The following HS3ST3B1 variants were observed in gnomAD, a reference collection of about 807,000 sequenced individuals.
The protein encoded by HS3ST3B1 is heparan sulfate-glucosamine 3-sulfotransferase 3B1, also known as heparan sulfate glucosamine 3-O-sulfotransferase 3B1.
Under a neutral mutation model 21.3 loss-of-function variants are expected in HS3ST3B1, and 13 were observed. That is an observed-to-expected ratio of 0.61 (90% CI 0.40 to 0.97). HS3ST3B1 has a LOEUF of 0.97. HS3ST3B1 is among the 50% of genes least tolerant of loss of function. HS3ST3B1 has a pLI of 0.00. For missense variants in HS3ST3B1, 459 were observed against 554.8 expected (o/e 0.83, Z 1.73); for synonymous variants, 234 against 254.8 (o/e 0.92, Z 0.78).
intron 1 of HS3ST3B1, among the ~76,000 whole-genome samples, chr17:14,310,532 G>A (rs1357150650): frequency 6.6e-6 from 1 of 152,228 alleles, no homozygotes; most frequent in Non-Finnish European, 1.5e-5. Flanking sequence ...CACATAAGAC[G>A]TTGAACATCG....
chr17:14,333,103 G>T (rs1244666718), intron 1 of HS3ST3B1, among the ~76,000 whole-genome samples: 1 of 151,928 alleles, frequency 6.6e-6, no homozygotes, highest in East Asian at 1.9e-4. Flanking sequence ...GATTGTTCTC[G>T]TAGGAAAGAA....
At chr17:14,319,801 T>C (rs887025410) in intron 1 of HS3ST3B1, among the ~76,000 whole-genome samples, 3 of 151,678 alleles carry the variant, frequency 2.0e-5, no homozygotes, top group Non-Finnish European at 4.4e-5. Context: ...TTTCAATAGT[T>C]TTTGGGGAAA....
At chr17:14,343,460 CT>C (rs1597604640) in intron 1 of HS3ST3B1, among the ~76,000 whole-genome samples, 1 of 152,266 alleles carries the variant, frequency 6.6e-6, no homozygotes, top group East Asian at 1.9e-4. Context: ...TTAGAACCCC[CT>C]GATCAACATC....
chr17:14,337,961 G>T (rs1910239944), intron 1 of HS3ST3B1, among the ~76,000 whole-genome samples: 1 of 151,674 alleles, frequency 6.6e-6, no homozygotes, highest in Admixed American at 6.6e-5. Flanking sequence ...ATGGTTTCCA[G>T]TCCTGCTTGC....
In HS3ST3B1 at chr17:14,334,268, G is replaced by GTT. The variant is rs11384759; in HGVS notation, c.555-10748_555-10747dup. 6.4e-3 allele frequency among the ~76,000 whole-genome samples: 940 copies of GTT among 146,930 alleles called. 2 individuals carry two copies. The highest frequency in any genetic ancestry group is 0.014 in the African/African-American group (551 of 40,176). On this transcript the variant is annotated intron_variant, in intron 1 of 1. Coordinates refer to ENST00000360954, the MANE Select transcript of HS3ST3B1 (RefSeq NM_006041.3). ...TGCTAGATTCCAGTGTTTTTTCATG[G>GTT]TTTTTTTTTTTTTAAATTGACTTTA...
At position 14,345,173 on chromosome 17, in the gene HS3ST3B1, G is replaced by A. The variant is rs780113570; in HGVS notation, c.700G>A (p.Ala234Thr). The change falls in exon 2 of 2, where the codon GCC becomes ACC. Residue 234 changes from alanine to threonine, a missense_variant. By Grantham distance (58) the Ala-to-Thr change is moderately conservative (BLOSUM62 0). Transcript: ENST00000360954. ...GGTGGTGCGGGACCCGGTGACCAGGGCCATCTCGGACTACACGCAGACGCT... is the reference window on the plus strand; with the variant it reads ...GGTGGTGCGGGACCCGGTGACCAGGACCATCTCGGACTACACGCAGACGCT... ...IVVVRDPVTR[A>T]ISDYTQTLSK... The A allele has an allele frequency of 2.5e-6, 4 of 1,577,708 alleles. No homozygotes were observed. Among genetic ancestry groups the A allele is most frequent in the Non-Finnish European group, 3.5e-6 (4 of 1,154,502 alleles).
At chr17:14,316,240 C>T (rs1909495061) in intron 1 of HS3ST3B1, among the ~76,000 whole-genome samples, 2 of 152,204 alleles carry the variant, frequency 1.3e-5, no homozygotes, top group Non-Finnish European at 2.9e-5. Flanking sequence ...TGCACCCTCC[C>T]CCTGGCCCCA....
chr17:14,301,724 G>C lies in HS3ST3B1; in HGVS notation c.206G>C (p.Arg69Pro). ...CTGCTGCTCCTGGGCTCTGGGTCCC[G>C]CGCCGCACACGACCCGCCAGCCCTG... ...PGLLLLGSGSRAAHDPPALAT... is the reference protein window; with the variant it reads ...PGLLLLGSGSPAAHDPPALAT... The change falls in exon 1 of 2, where the codon CGC (arginine) becomes CCC (proline). Residue 69 changes from arginine to proline, a missense_variant. Physicochemically the swap from Arg to Pro is moderately radical, Grantham distance 103. This residue lies in a region of HS3ST3B1 where 317 missense variants were observed against 278.6 expected (regional missense o/e 1.14). Transcript: ENST00000360954. 1 of 1,602,038 alleles carries C rather than the reference G, an allele frequency of 6.2e-7. No individual in the cohort carries two copies. The highest frequency in any genetic ancestry group is 8.5e-7 in the Non-Finnish European group (1 of 1,176,098).
intron 1 of HS3ST3B1, among the ~76,000 whole-genome samples, chr17:14,317,016 A>G (rs1317386197): frequency 1.3e-5 from 2 of 152,128 alleles, no homozygotes; most frequent in South Asian, 2.1e-4. Flanking sequence ...TCGCCTGCTC[A>G]CCTCTACCTG....
chr17:14,318,083 T>A (rs1049498985), intron 1 of HS3ST3B1, among the ~76,000 whole-genome samples: 2 of 152,028 alleles, frequency 1.3e-5, no homozygotes, highest in East Asian at 1.9e-4. Flanking sequence ...ACACACCCCC[T>A]CCCTGCTGCC....
At chr17:14,343,514 G>C (rs1264772377) in intron 1 of HS3ST3B1, among the ~76,000 whole-genome samples, 1 of 152,010 alleles carries the variant, frequency 6.6e-6, no homozygotes, top group African/African-American at 2.4e-5. Flanking sequence ...ACCAGCCTCT[G>C]GTAACCACCT....
chr17:14,330,858 G>A (rs1160366867), intron 1 of HS3ST3B1, among the ~76,000 whole-genome samples: 1 of 152,016 alleles, frequency 6.6e-6, no homozygotes, highest in Non-Finnish European at 1.5e-5. Flanking sequence ...GAGCCCCACC[G>A]ACCCAGAAAA....
At chr17:14,343,056 AC>A (rs1910436355) in intron 1 of HS3ST3B1, among the ~76,000 whole-genome samples, 1 of 152,150 alleles carries the variant, frequency 6.6e-6, no homozygotes, top group African/African-American at 2.4e-5. Context: ...ATCCTGGCCA[AC>A]ATGGTGAAAC....
intron 1 of HS3ST3B1, among the ~76,000 whole-genome samples, chr17:14,307,556 T>A (rs1909175442): frequency 6.6e-6 from 1 of 152,206 alleles, no homozygotes; most frequent in South Asian, 2.1e-4. Flanking sequence ...CTTGAATCAC[T>A]AAAATTATTT....
At chr17:14,326,594 C>G (rs1005817938) in intron 1 of HS3ST3B1, among the ~76,000 whole-genome samples, 1 of 152,126 alleles carries the variant, frequency 6.6e-6, no homozygotes, top group South Asian at 2.1e-4. Context: ...ATAGGAGCAT[C>G]TTTTGTTCCT....
chr17:14,306,907 G>A (rs750843863), intron 1 of HS3ST3B1, among the ~76,000 whole-genome samples: 18 of 152,058 alleles, frequency 1.2e-4, no homozygotes, highest in Non-Finnish European at 2.5e-4. Flanking sequence ...AGATTTATTA[G>A]CAAGACAGTG....
chr17:14,326,621 C>T (rs1909824975), intron 1 of HS3ST3B1, among the ~76,000 whole-genome samples: 1 of 152,090 alleles, frequency 6.6e-6, no homozygotes, highest in Non-Finnish European at 1.5e-5. Flanking sequence ...TTCACTTCCA[C>T]CTACTCTTGG....
At chr17:14,302,622 T>C (rs1268729131) in intron 1 of HS3ST3B1, among the ~76,000 whole-genome samples, 1 of 151,994 alleles carries the variant, frequency 6.6e-6, no homozygotes, top group Non-Finnish European at 1.5e-5. Flanking sequence ...CCCAAGGGTG[T>C]CAGACCCGCC....
At chr17:14,328,565 C>T (rs146328268) in intron 1 of HS3ST3B1, 62 of 152,266 alleles carry the variant, frequency 4.1e-4, no homozygotes, top group African/African-American at 1.4e-3. Flanking sequence ...CTCTTGGTCA[C>T]CCTCAAGCAT....
Sources: allele counts gnomAD v4.1 joint callset (sites outside exome capture counted in the v4.1 genomes callset), GRCh38; gene constraint gnomAD v4.1.1; regional missense constraint gnomAD v4.1.1; transcripts MANE v1.5; gene names NCBI Gene and HGNC (gene_info 2026-07-23, HGNC 2026-07-21).